ADAMTSL3: variants seen among roughly 807,000 people sequenced by gnomAD.
ADAMTSL3 encodes ADAMTS-like protein 3.
A neutral mutation model predicts 201.7 loss-of-function variants in ADAMTSL3; 128 were observed. The observed-to-expected ratio is 0.63, with a 90% CI of 0.55 to 0.73. The LOEUF is 0.73. Among genes scored for constraint, ADAMTSL3 ranks in the 30% least tolerant of loss-of-function variants. The probability of loss-of-function intolerance (pLI) is 0.00; values close to 1 mark genes in which losing one functional copy is unlikely to be tolerated. For missense variants in ADAMTSL3, 1,990 were observed against 2,119.6 expected (o/e 0.94, Z 1.20); for synonymous variants, 738 against 748.4 (o/e 0.99, Z 0.23).
intron 17 of ADAMTSL3, among the ~76,000 whole-genome samples, chr15:83,934,901 T>C (rs1043448683): frequency 2.0e-5 from 3 of 152,184 alleles, no homozygotes; most frequent in Non-Finnish European, 4.4e-5. Flanking sequence ...TGCAGCAACA[T>C]GGATGCAACT....
chr15:83,988,891 T>A lies in ADAMTSL3; in HGVS notation c.3844+73T>A, dbSNP rs11629550. 0.23 allele frequency: 197,585 copies of A among 857,876 alleles called. 23,200 individuals are homozygous for A. The highest frequency in any genetic ancestry group is 0.39 in the African/African-American group (16,707 of 42,404). The allele number at this position is 857,876 out of a possible 1,614,324, so 53.1% of individuals were successfully genotyped here. On this transcript the variant is annotated intron_variant, in intron 22 of 29. Transcript: ENST00000286744. ...TTTTTATTTATTTATTTATTTATTT[T>A]TTTTTTTTGAGACAGAGTCTCGCTC... is the stretch of plus-strand genomic sequence containing the variant.
chr15:84,031,496 C>G, intron 28 of ADAMTSL3, 64 bp downstream of exon 28: 5 of 1,427,254 alleles, frequency 3.5e-6, no homozygotes, highest in Non-Finnish European at 4.9e-6. Context: ...ATGATTATAA[C>G]TGCCTGAAAA....
chr15:83,879,913 A>G (rs2065240459), intron 9 of ADAMTSL3, among the ~76,000 whole-genome samples: 1 of 152,080 alleles, frequency 6.6e-6, no homozygotes, highest in Non-Finnish European at 1.5e-5. Flanking sequence ...TAGTGAATTG[A>G]CCCTTCTGTT....
At position 83,965,342 on chromosome 15, in the gene ADAMTSL3, T is replaced by C. The variant is rs1444390397; in HGVS notation, c.2491-5142T>C. On this transcript the variant is annotated intron_variant, in intron 19 of 29. Transcript: ENST00000286744. ...GATGGAGGAATATTTACCAAGCAAA[T>C]GGAAAGCAAAAAAAAAAAAAAAAAA... Among the ~76,000 whole-genome samples the C allele has an allele frequency of 5.4e-5, 3 of 55,932 alleles. No homozygotes were observed. The East Asian group carries it at 1.2e-3, about 23-fold the overall frequency. 36.7% of individuals were successfully genotyped at this position (55,932 alleles called of 152,430 possible). A position where few individuals can be genotyped will look rare whatever the true frequency, so the allele number is the denominator to read the frequency against.
At position 84,021,443 on chromosome 15, in the gene ADAMTSL3, G is replaced by T. The variant is rs1380088352; in HGVS notation, c.4307G>T (p.Cys1436Phe). ...PFWEPGNWSH[C>F]SATCGHLGAR... Reference sequence around the variant, plus strand: ...TGGGAGCCTGGTAACTGGTCACATTGTTCTGCCACCTGTGGTCATTTGGGA... The same window carrying T: ...TGGGAGCCTGGTAACTGGTCACATTTTTCTGCCACCTGTGGTCATTTGGGA... The change falls in exon 26 of 30, where the codon TGT becomes TTT. Residue 1436 changes from cysteine to phenylalanine, a missense_variant. Coordinates refer to ENST00000286744, the MANE Select transcript of ADAMTSL3 (RefSeq NM_207517.3). 5 of 1,614,102 alleles carry T rather than the reference G, an allele frequency of 3.1e-6. No homozygotes were observed. In the South Asian group the frequency reaches 5.5e-5, roughly 18 times the overall value.
At chr15:83,961,243 G>A (rs1265040360) in intron 19 of ADAMTSL3, among the ~76,000 whole-genome samples, 1 of 152,130 alleles carries the variant, frequency 6.6e-6, no homozygotes, top group African/African-American at 2.4e-5. Flanking sequence ...ATGGGATACA[G>A]ACTGGAATAA....
chr15:83,768,107 G>A (rs1376617387), intron 3 of ADAMTSL3, among the ~76,000 whole-genome samples: 1 of 152,156 alleles, frequency 6.6e-6, no homozygotes, highest in Non-Finnish European at 1.5e-5. Context: ...AAATGGGAGA[G>A]AGCTGGTTCT....
rs749908926 is a variant in ADAMTSL3 at position 83,674,692 on chromosome 15, T to TAC, written c.69+18866_69+18867dup. ...ATATATACACACATATATACATATATACACATATATATACATATATACACA... is the reference window on the plus strand; with the variant it reads ...ATATATACACACATATATACATATATACACACATATATATACATATATACACA... On this transcript the variant is annotated intron_variant, in intron 2 of 29. Coordinates refer to ENST00000286744, the MANE Select transcript of ADAMTSL3 (RefSeq NM_207517.3). Among the ~76,000 whole-genome samples the TAC allele has an allele frequency of 8.8e-5, 13 of 148,074 alleles. No homozygotes were observed. In the South Asian group the frequency reaches 1.3e-3, roughly 14 times the overall value.
intron 6 of ADAMTSL3, among the ~76,000 whole-genome samples, chr15:83,822,026 G>A (rs1464060035): frequency 1.4e-5 from 2 of 147,458 alleles, no homozygotes; most frequent in African/African-American, 2.5e-5. Context: ...CCTCCCGGAC[G>A]GGGTGGCTGG....
intron 26 of ADAMTSL3, among the ~76,000 whole-genome samples, chr15:84,024,486 AAT>A (rs757242099): frequency 2.0e-5 from 3 of 152,218 alleles, no homozygotes; most frequent in Non-Finnish European, 4.4e-5. Flanking sequence ...AATTGAAGGA[AAT>A]ATTAAATTTC....
intron 6 of ADAMTSL3, among the ~76,000 whole-genome samples, chr15:83,822,801 G>T (rs1239107516): frequency 1.3e-5 from 2 of 151,978 alleles, no homozygotes; most frequent in Non-Finnish European, 2.9e-5. Flanking sequence ...GTGGCGGCCG[G>T]GCAGAGGCTG....
At chr15:83,873,709 C>T (rs2065124191) in intron 9 of ADAMTSL3, among the ~76,000 whole-genome samples, 1 of 145,454 alleles carries the variant, frequency 6.9e-6, no homozygotes, top group Non-Finnish European at 1.5e-5. Flanking sequence ...TCATTTTCCT[C>T]ATCAAACAGT....
chr15:83,973,490 A>G (rs2067230507), intron 20 of ADAMTSL3, among the ~76,000 whole-genome samples: 1 of 152,152 alleles, frequency 6.6e-6, no homozygotes, highest in Admixed American at 6.5e-5. Flanking sequence ...TTGGTTCCCT[A>G]GCCTGAGCCA....
In ADAMTSL3 at chr15:83,894,055, GCAAA is replaced by G. The variant is rs535223387; in HGVS notation, c.1467+1172_1467+1175del. 8.5e-5 allele frequency among the ~76,000 whole-genome samples: 13 copies of G among 152,242 alleles called. No individual in the cohort carries two copies. The South Asian group carries it at 2.5e-3, about 29-fold the overall frequency. On this transcript the variant is annotated intron_variant, in intron 13 of 29. Coordinates refer to ENST00000286744, the MANE Select transcript of ADAMTSL3 (RefSeq NM_207517.3). ...AGAATCTAGTTGCACAGACATGCAT[GCAAA>G]CAAAGTTGTGTTACAGTATTGTATT...
At chr15:83,950,291 C>T (rs1275330084) in intron 19 of ADAMTSL3, among the ~76,000 whole-genome samples, 1 of 151,932 alleles carries the variant, frequency 6.6e-6, no homozygotes, top group Non-Finnish European at 1.5e-5. Context: ...GATCTTGGCA[C>T]CATTGTCAAA....
chr15:83,816,290 T>C (rs1283640489), intron 5 of ADAMTSL3, among the ~76,000 whole-genome samples: 1 of 152,216 alleles, frequency 6.6e-6, no homozygotes, highest in Non-Finnish European at 1.5e-5. Flanking sequence ...CCAGCTCTTT[T>C]GTTGCAATCG....
chr15:83,993,992 G>A (rs760963638), intron 23 of ADAMTSL3, among the ~76,000 whole-genome samples: 23 of 152,292 alleles, frequency 1.5e-4, no homozygotes, highest in African/African-American at 5.1e-4. Flanking sequence ...TGCAGCTGAC[G>A]TGAGTCCCTT....
chr15:83,885,330 G>A (rs1373332855), intron 10 of ADAMTSL3, 118 bp downstream of exon 10: 4 of 767,654 alleles, frequency 5.2e-6, no homozygotes, highest in South Asian at 3.1e-5. Context: ...TCATCACACA[G>A]CACCTTACTC....
Position 84,036,961 on chromosome 15 carries a change from G to A in ADAMTSL3, c.4943G>A (p.Arg1648Gln), listed in dbSNP as rs762449626. Residue 1648 changes from arginine (R) to glutamine (Q), a missense_variant, in exon 29 of 30, where the codon CGG (arginine) becomes CAG (glutamine). Arg to Gln is a conservative substitution (Grantham distance 43). Transcript: ENST00000286744. ...CVQKKKPISW[R>Q]HCLGPSCDRD... Reference sequence around the variant, plus strand: ...CAGAAAAAGAAACCAATTTCCTGGCGGCACTGTCTTGGGCCCTCCTGTGAT... The same window carrying A: ...CAGAAAAAGAAACCAATTTCCTGGCAGCACTGTCTTGGGCCCTCCTGTGAT... 5 of 1,613,910 alleles carry A rather than the reference G, an allele frequency of 3.1e-6. No homozygotes were observed. The African/African-American group carries it at 4.0e-5, about 13-fold the overall frequency.
Sources: gnomAD v4.1 joint callset for allele counts (sites outside exome capture counted in the v4.1 genomes callset) on GRCh38, gnomAD v4.1.1 for gene constraint, MANE v1.5 for transcripts, NCBI Gene and HGNC (gene_info 2026-07-23, HGNC 2026-07-21) for gene names.